The following GPHN variants were observed in gnomAD, a reference collection of about 807,000 sequenced individuals.
GPHN encodes gephyrin.
A neutral mutation model predicts 95.5 loss-of-function variants in GPHN; 17 were observed. The observed-to-expected ratio is 0.18, with a 90% CI of 0.12 to 0.27. The LOEUF is 0.27. Ranked by LOEUF, GPHN falls within the 10% of genes least tolerant of loss-of-function variation. The probability of loss-of-function intolerance (pLI) is 1.00; values close to 1 mark genes in which losing one functional copy is unlikely to be tolerated. For synonymous variants in GPHN, 320 were observed against 322.5 expected (o/e 0.99, Z 0.08); for missense variants, 660 against 978.1 (o/e 0.67, Z 4.34).
chr14:67,199,656 ACC>A, the GPHN span: 9 of 1,578,156 alleles, frequency 5.7e-6, no homozygotes, highest in Non-Finnish European at 7.8e-6. Flanking sequence ...GCAGCTCAGA[ACC>A]CGCTCTCCCA....
the GPHN span, among the ~76,000 whole-genome samples, chr14:67,607,478 T>A: frequency 6.6e-6 from 1 of 152,148 alleles, no homozygotes; most frequent in Admixed American, 6.5e-5. Context: ...GAGATTCTCC[T>A]ACCTCAGCCT....
At chr14:66,917,918 G>GA (rs1197823406) in intron 6 of GPHN, among the ~76,000 whole-genome samples, 1 of 152,114 alleles carries the variant, frequency 6.6e-6, no homozygotes, top group Non-Finnish European at 1.5e-5. Context: ...GGTCTTTCTA[G>GA]AAAATCTTAT....
At chr14:67,582,516 A>G in the GPHN span, among the ~76,000 whole-genome samples, 1,273 of 152,246 alleles carry the variant, frequency 8.4e-3, 29 homozygotes, top group African/African-American at 0.029. This position sits in a 1 kb window ranked among gnomAD's most constrained non-coding sequence, Gnocchi z 5.0. Context: ...CCTTCTCAGT[A>G]TACCAAAATA....
chr14:66,842,792 T>TA (rs912359426), intron 4 of GPHN: 27 of 1,042,636 alleles, frequency 2.6e-5, no homozygotes, highest in Non-Finnish European at 3.8e-5. Flanking sequence ...TTTATCATCA[T>TA]AAAAAATGCT....
chr14:67,291,505 G>A, the GPHN span, among the ~76,000 whole-genome samples: 518 of 152,132 alleles, frequency 3.4e-3, 2 homozygotes, highest in African/African-American at 0.012. Context: ...GGCTGGTCTC[G>A]AACTCCTGAC....
At chr14:67,324,911 T>C in the GPHN span, among the ~76,000 whole-genome samples, 1 of 141,730 alleles carries the variant, frequency 7.1e-6, no homozygotes, top group Admixed American at 7.0e-5. Flanking sequence ...TTTTTTTTTT[T>C]TTTTTTTTTT....
At chr14:66,946,937 T>C (rs2067792761) in intron 8 of GPHN, among the ~76,000 whole-genome samples, 1 of 152,186 alleles carries the variant, frequency 6.6e-6, no homozygotes, top group Non-Finnish European at 1.5e-5. Context: ...TCTCATCATT[T>C]CCACCCTTGC....
chr14:67,340,340 T>C, the GPHN span: 1 of 962,902 alleles, frequency 1.0e-6, no homozygotes, highest in Non-Finnish European at 1.7e-6. Flanking sequence ...ACATAAGCTG[T>C]GCTAATTCTA....
intron 1 of GPHN, among the ~76,000 whole-genome samples, chr14:66,560,289 A>G (rs531229707): frequency 7.9e-5 from 12 of 152,190 alleles, no homozygotes; most frequent in Non-Finnish European, 1.2e-4. Context: ...AGTCATTGGT[A>G]GCTTAATGGG....
chr14:66,908,388 A>G (rs1030943768), intron 5 of GPHN, among the ~76,000 whole-genome samples: 1 of 152,140 alleles, frequency 6.6e-6, no homozygotes, highest in Non-Finnish European at 1.5e-5. Context: ...AAAATAAGCA[A>G]CAAGCAGTAT....
At chr14:67,515,258 TC>T in the GPHN span, 1 of 151,898 alleles carries the variant, frequency 6.6e-6, no homozygotes, top group Non-Finnish European at 1.5e-5. Flanking sequence ...GCGCTCTGGC[TC>T]CCCCCGCGCC....
intron 5 of GPHN, among the ~76,000 whole-genome samples, chr14:66,900,313 C>T (rs2065063391): frequency 1.3e-5 from 2 of 151,814 alleles, no homozygotes. Flanking sequence ...AGTTCTTGAG[C>T]TGGAAGCTTG....
chr14:66,517,541 A>G (rs1256851983), intron 1 of GPHN, among the ~76,000 whole-genome samples: 1 of 152,226 alleles, frequency 6.6e-6, no homozygotes, highest in East Asian at 1.9e-4. Context: ...ACTTTAAAAT[A>G]TACTACAGAG....
At chr14:67,352,314 A>T in the GPHN span, among the ~76,000 whole-genome samples, 1 of 151,554 alleles carries the variant, frequency 6.6e-6, no homozygotes, top group African/African-American at 2.4e-5. Flanking sequence ...TACTAAAAAT[A>T]AAAAAAATGA....
chr14:67,480,855 TGGTAACAGACGGGA>T, the GPHN span, among the ~76,000 whole-genome samples: 1 of 152,128 alleles, frequency 6.6e-6, no homozygotes, highest in African/African-American at 2.4e-5. Context: ...GTTTCCCAGC[TGGTAACAGACGGGA>T]GGGTCCAGTC....
the GPHN span, among the ~76,000 whole-genome samples, chr14:67,326,731 T>A: frequency 6.6e-6 from 1 of 152,254 alleles, no homozygotes; most frequent in African/African-American, 2.4e-5. Flanking sequence ...ATGCCGTTTG[T>A]TAAAGTTTGT....
At chr14:66,829,169 C>T (rs928884048) in intron 4 of GPHN, among the ~76,000 whole-genome samples, 1 of 147,450 alleles carries the variant, frequency 6.8e-6, no homozygotes, top group Non-Finnish European at 1.5e-5. Flanking sequence ...CTCACTGCAA[C>T]CTCCACCTTC....
intron 11 of GPHN, among the ~76,000 whole-genome samples, chr14:67,081,779 G>A (rs1046841895): frequency 6.6e-6 from 1 of 152,160 alleles, no homozygotes; most frequent in Admixed American, 6.5e-5. Flanking sequence ...TTTGCATAAG[G>A]TGAGAGAGGA....
At chr14:66,888,498 G>A (rs918140461) in intron 5 of GPHN, among the ~76,000 whole-genome samples, 3 of 152,098 alleles carry the variant, frequency 2.0e-5, no homozygotes, top group Non-Finnish European at 4.4e-5. Context: ...TTTGTATGCT[G>A]TTGAAGATAA....
Sources: allele counts gnomAD v4.1 joint callset (sites outside exome capture counted in the v4.1 genomes callset), GRCh38; gene constraint gnomAD v4.1.1; non-coding constraint Gnocchi (gnomAD v3.1); transcripts MANE v1.5; gene names NCBI Gene and HGNC (gene_info 2026-07-23, HGNC 2026-07-21).